ZMYM2: variants seen among roughly 807,000 people sequenced by gnomAD.
The protein encoded by ZMYM2 is zinc finger MYM-type containing 2.
A neutral mutation model predicts 162.8 loss-of-function variants in ZMYM2; 56 were observed. The ratio of observed to expected loss-of-function variants is 0.34; its 90% CI spans 0.28 to 0.43. The LOEUF is 0.43. ZMYM2 is among the 20% of genes least tolerant of loss of function. The probability of loss-of-function intolerance (pLI) is 1.00; values close to 1 mark genes in which losing one functional copy is unlikely to be tolerated. For missense variants in ZMYM2, 1,275 were observed against 1,621.8 expected (o/e 0.79, Z 3.67); for synonymous variants, 510 against 541.6 (o/e 0.94, Z 0.81).
intron 12 of ZMYM2, 44 bp from the exon 13 acceptor site, chr13:20,051,389 C>T: frequency 6.3e-7 from 1 of 1,583,164 alleles, no homozygotes; most frequent in Non-Finnish European, 8.6e-7. Flanking sequence ...TGGAAATCTT[C>T]AAAAATAATT....
chr13:19,885,968 TACAC>T, the ZMYM2 span, among the ~76,000 whole-genome samples: 648 of 101,936 alleles, frequency 6.4e-3, 203 homozygotes, highest in African/African-American at 0.022. Context: ...TATATGTGTA[TACAC>T]ATATATATGT....
chr13:20,044,974 C>T (rs259796), intron 12 of ZMYM2, among the ~76,000 whole-genome samples: 15,004 of 146,794 alleles, frequency 0.1, 1,230 homozygotes, highest in African/African-American at 0.22. Flanking sequence ...CACTTGAACC[C>T]GGGAGGCGGA....
the ZMYM2 span, among the ~76,000 whole-genome samples, chr13:19,866,194 TC>T: frequency 6.6e-6 from 1 of 151,222 alleles, no homozygotes; most frequent in Non-Finnish European, 1.5e-5. Context: ...TGCACTCCAG[TC>T]TGGGCAACAC....
At position 20,031,365 on chromosome 13, in the gene ZMYM2, G is replaced by T. The variant is rs372402171; in HGVS notation, c.1898G>T (p.Ser633Ile). The change falls in exon 10 of 25, where the codon AGT becomes ATT. Residue 633 changes from serine (S) to isoleucine (I), a missense_variant. This residue lies in a region of ZMYM2 where 276 missense variants were observed against 311.8 expected (regional missense o/e 0.89). Coordinates refer to ENST00000610343, the MANE Select transcript of ZMYM2 (RefSeq NM_197968.4). ...CCAAATGGCCAGTTTGTAGCGCCAAGTGATATTCAGTTGAAATGCAACTAC... is the reference window on the plus strand; with the variant it reads ...CCAAATGGCCAGTTTGTAGCGCCAATTGATATTCAGTTGAAATGCAACTAC... ...SSPNGQFVAP[S>I]DIQLKCNYCK... 1.4e-5 allele frequency: 22 copies of T among 1,608,044 alleles called. No homozygotes were observed. The East Asian group carries it at 4.7e-4, about 34-fold the overall frequency.
chr13:20,054,590 C>A lies in ZMYM2; in HGVS notation c.2493+2279C>A, dbSNP rs934181097. ...CATTATAATTTTTATTCTTTTGGGT[C>A]CTACTTCAGCATACACAGATAACTG... On this transcript the variant is annotated intron_variant, in intron 14 of 24. Coordinates refer to ENST00000610343, the MANE Select transcript of ZMYM2 (RefSeq NM_197968.4). 3.9e-5 allele frequency among the ~76,000 whole-genome samples: 6 copies of A among 152,204 alleles called. No individual in the cohort carries two copies. The East Asian group carries it at 5.8e-4, about 15-fold the overall frequency.
intron 13 of ZMYM2, 64 bp from the exon 14 acceptor site, chr13:20,052,213 A>G: frequency 7.6e-7 from 1 of 1,308,476 alleles, no homozygotes. Flanking sequence ...AATGAGAAAT[A>G]GGGATTTAGA....
chr13:20,016,149 C>T (rs761941173), intron 6 of ZMYM2, among the ~76,000 whole-genome samples: 19 of 151,124 alleles, frequency 1.3e-4, no homozygotes, highest in Non-Finnish European at 2.4e-4. Context: ...TGATTTCCTT[C>T]TCATTGTCTT....
chr13:20,044,521 C>T lies in ZMYM2; in HGVS notation c.2293-6912C>T, dbSNP rs115465493. Among the ~76,000 whole-genome samples, 1,506 of 152,274 alleles carry T rather than the reference C, an allele frequency of 9.9e-3. 22 individuals are homozygous for T. Among genetic ancestry groups the T allele is most frequent in the Middle Eastern group, 0.041 (12 of 294 alleles). On this transcript the variant is annotated intron_variant, in intron 12 of 24. Coordinates refer to ENST00000610343, the MANE Select transcript of ZMYM2 (RefSeq NM_197968.4). The stretch of plus-strand genomic sequence containing the variant: ...AGTGCACCAGTACTCTCAGTCCCTC[C>T]GGGGCAGCTCTTCTACCTGGCTGCG...
Position 20,002,889 on chromosome 13 carries a change from A to G in ZMYM2, c.887A>G (p.Gln296Arg), listed in dbSNP as rs1399351089. 1 of 1,614,154 alleles carries G rather than the reference A, an allele frequency of 6.2e-7. No individual in the cohort carries two copies. Residue 296 changes from glutamine to arginine, a missense_variant, in exon 4 of 25, where the codon CAG (glutamine) becomes CGG (arginine). Transcript: ENST00000610343. ...ISQSASFPRN[Q>R]KQPGVDSLSP... ...CAGTCAGCTTCATTTCCCCGTAATCAGAAACAACCAGGGGTGGACTCTTTA... is the reference window on the plus strand; with the variant it reads ...CAGTCAGCTTCATTTCCCCGTAATCGGAAACAACCAGGGGTGGACTCTTTA...
chr13:19,971,244 G>GTGTGTA (rs5802035), intron 2 of ZMYM2, among the ~76,000 whole-genome samples: 41 of 50,130 alleles, frequency 8.2e-4, no homozygotes, highest in Middle Eastern at 0.012. Context: ...GTGTGTGTGT[G>GTGTGTA]TATATATATA....
In ZMYM2 at chr13:20,016,300, T is replaced by TTG. The variant is rs552222817; in HGVS notation, c.1513-3245_1513-3244dup. ...GCTCCTATATATCTGTTCCCTCTTT[T>TTG]TGTTATAGATTACATTTTTAAGCAT... On this transcript the variant is annotated intron_variant, in intron 6 of 24. Coordinates refer to ENST00000610343, the MANE Select transcript of ZMYM2 (RefSeq NM_197968.4). Among the ~76,000 whole-genome samples the TTG allele has an allele frequency of 1.7e-4, 26 of 152,302 alleles. No homozygotes were observed. The East Asian group carries it at 5.0e-3, about 29-fold the overall frequency.
the ZMYM2 span, among the ~76,000 whole-genome samples, chr13:19,931,055 C>T: frequency 2.0e-5 from 3 of 150,442 alleles, no homozygotes; most frequent in Non-Finnish European, 3.0e-5. Flanking sequence ...AGGAGAATGG[C>T]GTGAACCCAG....
intron 21 of ZMYM2, among the ~76,000 whole-genome samples, chr13:20,073,721 CT>C (rs1351043186): frequency 1.3e-5 from 2 of 152,010 alleles, no homozygotes; most frequent in African/African-American, 4.8e-5. Context: ...TCTGGATTGC[CT>C]TTTATTAAAT....
At position 20,087,048 on chromosome 13, in the gene ZMYM2, T is replaced by C; in HGVS notation, c.*1034T>C. On this transcript the variant is annotated 3_prime_UTR_variant, in exon 25 of 25. Coordinates refer to ENST00000610343, the MANE Select transcript of ZMYM2 (RefSeq NM_197968.4). ...TTGTGCCTGTTTACATTGGATAAAATTGTTTTTAGAAATTCCACTCCTGAA... is the reference window on the plus strand; with the variant it reads ...TTGTGCCTGTTTACATTGGATAAAACTGTTTTTAGAAATTCCACTCCTGAA... 5.4e-6 allele frequency: 1 copy of C among 183,684 alleles called. No homozygotes were observed. Among genetic ancestry groups the C allele is most frequent in the East Asian group, 8.8e-5 (1 of 11,384 alleles). The allele number at this position is 183,684 out of a possible 1,614,324, so 11.4% of individuals were successfully genotyped here.
chr13:20,071,216 G>A (rs979896006), intron 21 of ZMYM2, among the ~76,000 whole-genome samples: 4 of 152,136 alleles, frequency 2.6e-5, no homozygotes, highest in Non-Finnish European at 4.4e-5. Flanking sequence ...GGCATTACAG[G>A]TGCCCACCAT....
chr13:20,080,894 C>CT (rs1206812653), intron 21 of ZMYM2, among the ~76,000 whole-genome samples: 1 of 152,208 alleles, frequency 6.6e-6, no homozygotes, highest in Non-Finnish European at 1.5e-5. Context: ...GTCATGCAGA[C>CT]ATTCAACTAT....
chr13:19,963,764 A>C (rs1036448291), intron 2 of ZMYM2, among the ~76,000 whole-genome samples: 3 of 152,152 alleles, frequency 2.0e-5, no homozygotes, highest in Non-Finnish European at 4.4e-5. Flanking sequence ...TTTTGGATCA[A>C]GCTTTACACA....
chr13:20,065,012 T>C (rs1355586910), intron 19 of ZMYM2, among the ~76,000 whole-genome samples: 1 of 152,114 alleles, frequency 6.6e-6, no homozygotes. Context: ...GTACACAGTT[T>C]ATTATTTCTG....
upstream of ZMYM2, among the ~76,000 whole-genome samples, chr13:19,955,786 CACA>C (rs1954498525): frequency 6.6e-6 from 1 of 152,092 alleles, no homozygotes; most frequent in African/African-American, 2.4e-5. Context: ...CATGCCCAGC[CACA>C]ACAACTGTTT....
Sources: gnomAD v4.1 joint callset for allele counts (sites outside exome capture counted in the v4.1 genomes callset) on GRCh38, gnomAD v4.1.1 for gene constraint, gnomAD v4.1.1 regional missense constraint, MANE v1.5 for transcripts, NCBI Gene and HGNC (gene_info 2026-07-23, HGNC 2026-07-21) for gene names.